The following ALG6 variants were observed in gnomAD, a reference collection of about 807,000 sequenced individuals.
ALG6 encodes the protein ALG6 alpha-1,3-glucosyltransferase.
In ALG6, 46 loss-of-function variants were observed where a neutral mutation model predicts 66.6. That is an observed-to-expected ratio of 0.69 (90% CI 0.55 to 0.88). The LOEUF is 0.88. ALG6 is among the 40% of genes least tolerant of loss of function. The pLI, the probability that ALG6 is intolerant of heterozygous loss-of-function variation, is 0.00. For missense variants in ALG6, 505 were observed against 586.8 expected (o/e 0.86, Z 1.44); for synonymous variants, 185 against 203.7 (o/e 0.91, Z 0.78).
At chr1:63,394,367 A>G (rs1648757557) in intron 2 of ALG6, among the ~76,000 whole-genome samples, 1 of 150,916 alleles carries the variant, frequency 6.6e-6, no homozygotes, top group Non-Finnish European at 1.5e-5. Context: ...ATAGCTTTAC[A>G]TCTTTTTTTT....
intron 2 of ALG6, among the ~76,000 whole-genome samples, chr1:63,377,125 C>T (rs573153994): frequency 6.6e-6 from 1 of 152,200 alleles, no homozygotes; most frequent in South Asian, 2.1e-4. Flanking sequence ...CCACACCCAG[C>T]TAATTTTTGC....
chr1:63,427,185 T>G (rs1176244351), intron 12 of ALG6, among the ~76,000 whole-genome samples: 1 of 141,972 alleles, frequency 7.0e-6, no homozygotes, highest in African/African-American at 2.5e-5. Flanking sequence ...TTTTTTTTTT[T>G]TGTATTTTTA....
chr1:63,414,005 G>T (rs1644529370), intron 9 of ALG6, 56 bp from the exon 10 acceptor site: 1 of 1,367,476 alleles, frequency 7.3e-7, no homozygotes, highest in Non-Finnish European at 1.0e-6. Flanking sequence ...TACTTCATGG[G>T]TTTTAATATT....
intron 2 of ALG6, among the ~76,000 whole-genome samples, chr1:63,390,921 G>T (rs1293325232): frequency 6.6e-6 from 1 of 152,146 alleles, no homozygotes; most frequent in Admixed American, 6.5e-5. Context: ...ACCCTCTTCA[G>T]TGCCTCTTTC....
chr1:63,434,612 C>A (rs564149016), intron 14 of ALG6, among the ~76,000 whole-genome samples: 1 of 150,026 alleles, frequency 6.7e-6, no homozygotes, highest in Admixed American at 6.7e-5. Flanking sequence ...AGTTTTTTTG[C>A]GATATTTTTA....
chr1:63,409,245 T>C (rs6657738), intron 7 of ALG6, among the ~76,000 whole-genome samples: 24,306 of 152,250 alleles, frequency 0.16, 2,313 homozygotes, highest in South Asian at 0.22. Context: ...CATTTGTTGC[T>C]ATTATTACCA....
At chr1:63,418,267 T>C (rs112034263) in intron 11 of ALG6, among the ~76,000 whole-genome samples, 5,719 of 148,588 alleles carry the variant, frequency 0.038, 405 homozygotes, top group African/African-American at 0.13. Flanking sequence ...AGCTTTATTA[T>C]TAAATATTAA....
intron 14 of ALG6, among the ~76,000 whole-genome samples, chr1:63,432,736 C>T (rs1453521361): frequency 2.6e-5 from 4 of 152,102 alleles, no homozygotes; most frequent in Non-Finnish European, 5.9e-5. Flanking sequence ...TATATAAGCT[C>T]CACGGAATAT....
At chr1:63,404,580 T>C (rs770088853) in intron 5 of ALG6, 39 bp downstream of exon 5, 6 of 1,584,630 alleles carry the variant, frequency 3.8e-6, no homozygotes, top group Admixed American at 1.7e-5. Flanking sequence ...AATTTGATTT[T>C]TTAAAAATTT....
chr1:63,397,047 A>G (rs1393169750), intron 3 of ALG6, among the ~76,000 whole-genome samples: 1 of 152,096 alleles, frequency 6.6e-6, no homozygotes, highest in Non-Finnish European at 1.5e-5. Flanking sequence ...GCCTACAATG[A>G]TAGGACTTGT....
At chr1:63,408,529 T>G (rs1231816206) in intron 7 of ALG6, among the ~76,000 whole-genome samples, 1 of 152,212 alleles carries the variant, frequency 6.6e-6, no homozygotes, top group Non-Finnish European at 1.5e-5. Flanking sequence ...ACATTCTTCT[T>G]ATAAGTGGAA....
chr1:63,412,033 T>A lies in ALG6; in HGVS notation c.788T>A (p.Leu263His), dbSNP rs1449245551. ...REQTLQVLRR[L>H]FPVDRGLFED... ...CAAACCCTGCAGGTTCTAAGAAGAC[T>A]CTTCCCGGTTGATCGTGGATTATTT... Residue 263 changes from leucine (L) to histidine (H), a missense_variant, in exon 9 of 15, where the codon CTC (leucine) becomes CAC (histidine). Coordinates refer to ENST00000263440, the MANE Select transcript of ALG6 (RefSeq NM_013339.4). 6.2e-7 allele frequency: 1 copy of A among 1,614,036 alleles called. No homozygotes were observed. The highest frequency in any genetic ancestry group is 8.5e-7 in the Non-Finnish European group (1 of 1,180,012).
chr1:63,435,953 T>C (rs1644676633), intron 14 of ALG6, among the ~76,000 whole-genome samples: 1 of 152,158 alleles, frequency 6.6e-6, no homozygotes. Context: ...ACTACTCAGC[T>C]TGGTATTTAA....
chr1:63,404,617 T>G (rs539144963), intron 5 of ALG6, 76 bp downstream of exon 5: 100 of 1,165,978 alleles, frequency 8.6e-5, no homozygotes, highest in Non-Finnish European at 5.4e-5. Context: ...GGTACTATTA[T>G]TGTTCTTACT....
At chr1:63,407,600 A>T (rs1210194676) in intron 7 of ALG6, among the ~76,000 whole-genome samples, 3 of 152,018 alleles carry the variant, frequency 2.0e-5, no homozygotes, top group South Asian at 2.1e-4. Flanking sequence ...TATTTTTTTG[A>T]TGCCTAAAAT....
At chr1:63,418,065 C>T (rs1199671143) in intron 11 of ALG6, among the ~76,000 whole-genome samples, 2 of 150,152 alleles carry the variant, frequency 1.3e-5, no homozygotes, top group African/African-American at 4.9e-5. Flanking sequence ...ACCTGGGAGG[C>T]GGAGGTTGCG....
intron 3 of ALG6, among the ~76,000 whole-genome samples, chr1:63,401,176 G>C (rs1209704429): frequency 6.6e-6 from 1 of 152,116 alleles, no homozygotes; most frequent in Non-Finnish European, 1.5e-5. Context: ...AGATGTCTTG[G>C]CTGTCTACCA....
At chr1:63,376,418 A>G (rs1648129718) in intron 2 of ALG6, among the ~76,000 whole-genome samples, 1 of 152,164 alleles carries the variant, frequency 6.6e-6, no homozygotes, top group Non-Finnish European at 1.5e-5. Context: ...CCATTCTCTC[A>G]GTGATATCCT....
chr1:63,387,698 C>A (rs767324350), intron 2 of ALG6, among the ~76,000 whole-genome samples: 1 of 151,562 alleles, frequency 6.6e-6, no homozygotes, highest in Non-Finnish European at 1.5e-5. Context: ...TGCACCACCA[C>A]GCCCAGCTAA....
Sources: gnomAD v4.1 joint callset for allele counts (sites outside exome capture counted in the v4.1 genomes callset) on GRCh38, gnomAD v4.1.1 for gene constraint, MANE v1.5 for transcripts, NCBI Gene and HGNC (gene_info 2026-07-23, HGNC 2026-07-21) for gene names.